The following GRIA1 variants were observed in gnomAD, a reference collection of about 807,000 sequenced individuals.
GRIA1 encodes the protein glutamate receptor 1.
Under a neutral mutation model 99.2 loss-of-function variants are expected in GRIA1, and 31 were observed. That is an observed-to-expected ratio of 0.31 (90% confidence interval 0.23 to 0.42). The LOEUF is 0.42. GRIA1 is among the 10% of genes least tolerant of loss of function. The pLI, the probability that GRIA1 is intolerant of heterozygous loss-of-function variation, is 1.00. For synonymous variants in GRIA1, 438 were observed against 432.4 expected (o/e 1.01, Z -0.16); for missense variants, 782 against 1,157.5 (o/e 0.68, Z 4.71).
intron 2 of GRIA1, among the ~76,000 whole-genome samples, chr5:153,558,623 T>C (rs1055273625): frequency 2.0e-5 from 3 of 152,160 alleles, no homozygotes; most frequent in African/African-American, 7.2e-5. Flanking sequence ...CCATAATTTG[T>C]TTATTCATTC....
chr5:153,580,683 T>C (rs1762967213), intron 2 of GRIA1, among the ~76,000 whole-genome samples: 1 of 152,196 alleles, frequency 6.6e-6, no homozygotes, highest in Admixed American at 6.5e-5. Context: ...ATCTCATTAA[T>C]ATTACACTCT....
rs142919000 is a variant in GRIA1, at chr5:153,645,994, G to A, written c.221-934G>A. 2.2e-3 allele frequency among the ~76,000 whole-genome samples: 333 copies of A among 152,270 alleles called. 2 individuals are homozygous for A. The highest frequency in any genetic ancestry group is 7.5e-3 in the African/African-American group (312 of 41,558). Reference sequence around the variant, plus strand: ...TGGCCTTGGGGTTGGTCTCACTGGGGCAAAGATTATGAACTCTCATCCTAT... The same window carrying A: ...TGGCCTTGGGGTTGGTCTCACTGGGACAAAGATTATGAACTCTCATCCTAT... On this transcript the variant is annotated intron_variant, in intron 2 of 15. Coordinates refer to ENST00000285900, the MANE Select transcript of GRIA1 (RefSeq NM_000827.4).
At chr5:153,510,219 T>C (rs933535477) in intron 2 of GRIA1, among the ~76,000 whole-genome samples, 1 of 152,204 alleles carries the variant, frequency 6.6e-6, no homozygotes, top group South Asian at 2.1e-4. Context: ...TAGTTGCTGC[T>C]GGAGTGAAAT....
chr5:153,528,816 T>C (rs542489922), intron 2 of GRIA1, among the ~76,000 whole-genome samples: 63 of 152,328 alleles, frequency 4.1e-4, no homozygotes, highest in Non-Finnish European at 6.9e-4. Context: ...GTTCCTTCTG[T>C]CTTCAGGCAT....
At chr5:153,668,877 AG>A (rs1399383461) in intron 5 of GRIA1, among the ~76,000 whole-genome samples, 2 of 152,226 alleles carry the variant, frequency 1.3e-5, no homozygotes, top group African/African-American at 2.4e-5. Flanking sequence ...CCACAGTCTG[AG>A]GTTCATTGTC....
At chr5:153,771,499 T>C (rs1258052394) in intron 13 of GRIA1, among the ~76,000 whole-genome samples, 2 of 152,188 alleles carry the variant, frequency 1.3e-5, no homozygotes, top group Non-Finnish European at 2.9e-5. Context: ...TTGAACAAGA[T>C]AGACATAGTC....
At chr5:153,677,319 T>G (rs143378051) in intron 7 of GRIA1, among the ~76,000 whole-genome samples, 158 bp downstream of exon 7, 3 of 150,366 alleles carry the variant, frequency 2.0e-5, no homozygotes, top group African/African-American at 7.5e-5. Flanking sequence ...TAGCATACAT[T>G]GAAGCTCATA....
intron 11 of GRIA1, among the ~76,000 whole-genome samples, chr5:153,759,235 A>C (rs921944720): frequency 6.6e-6 from 1 of 151,738 alleles, no homozygotes; most frequent in Non-Finnish European, 1.5e-5. Context: ...CAGAACAGAA[A>C]TAAATAAAAT....
At chr5:153,780,940 A>T (rs1010907528) in intron 13 of GRIA1, among the ~76,000 whole-genome samples, 1 of 152,026 alleles carries the variant, frequency 6.6e-6, no homozygotes, top group South Asian at 2.1e-4. Flanking sequence ...GCATTCCTCT[A>T]TATGCCTGAA....
chr5:153,522,337 G>C (rs1757225231), intron 2 of GRIA1, among the ~76,000 whole-genome samples: 1 of 152,204 alleles, frequency 6.6e-6, no homozygotes, highest in Non-Finnish European at 1.5e-5. Flanking sequence ...AAATGTCCCA[G>C]TGAGGTAGCC....
At chr5:153,671,317 A>G (rs751776674) in intron 5 of GRIA1, among the ~76,000 whole-genome samples, 1 of 152,208 alleles carries the variant, frequency 6.6e-6, no homozygotes, top group Non-Finnish European at 1.5e-5. Flanking sequence ...ACAGAATTTG[A>G]CTGCAGGAGA....
Position 153,762,645 on chromosome 5 carries a change from A to C in GRIA1, c.1824-1789A>C, listed in dbSNP as rs140291629. On this transcript the variant is annotated intron_variant, in intron 11 of 15. Transcript: ENST00000285900. ...GTGTAAAAGGAAGCAACTGGTCCCT[A>C]ACCCCATGTGAACCTTGACCCCTTC... 3.8e-3 allele frequency among the ~76,000 whole-genome samples: 582 copies of C among 152,264 alleles called. 5 individuals carry two copies. The highest frequency in any genetic ancestry group is 0.013 in the African/African-American group (560 of 41,540).
chr5:153,788,483 C>T (rs1386836528), intron 13 of GRIA1, among the ~76,000 whole-genome samples: 3 of 152,194 alleles, frequency 2.0e-5, no homozygotes, highest in African/African-American at 7.2e-5. Context: ...TCCTGGCCTG[C>T]AGAGTCCCTG....
chr5:153,663,444 T>G (rs1185556118), intron 5 of GRIA1, among the ~76,000 whole-genome samples: 6 of 152,242 alleles, frequency 3.9e-5, no homozygotes, highest in Non-Finnish European at 5.9e-5. Flanking sequence ...CTGCCTGGGT[T>G]TGAAATCTGG....
chr5:153,588,055 T>C (rs1337543982), intron 2 of GRIA1, among the ~76,000 whole-genome samples: 2 of 152,168 alleles, frequency 1.3e-5, no homozygotes, highest in African/African-American at 4.8e-5. Flanking sequence ...TTCCTGCCAA[T>C]TGAAAAGACA....
chr5:153,780,058 C>T (rs913755424), intron 13 of GRIA1, among the ~76,000 whole-genome samples: 3 of 152,202 alleles, frequency 2.0e-5, no homozygotes, highest in Non-Finnish European at 4.4e-5. Context: ...AGCACTGCTC[C>T]TCCTGCTGAT....
At chr5:153,497,512 G>C (rs537430948) in intron 2 of GRIA1, among the ~76,000 whole-genome samples, 2 of 152,290 alleles carry the variant, frequency 1.3e-5, no homozygotes, top group African/African-American at 4.8e-5. Flanking sequence ...GGCCAGGAAA[G>C]AAGGCACAGC....
At chr5:153,799,187 C>G (rs917906463) in intron 14 of GRIA1, among the ~76,000 whole-genome samples, 9 of 152,180 alleles carry the variant, frequency 5.9e-5, no homozygotes, top group African/African-American at 1.9e-4. Context: ...CATCTCTCCC[C>G]TGTCCCCGAT....
chr5:153,621,872 C>A (rs1371223305), intron 2 of GRIA1, among the ~76,000 whole-genome samples: 1 of 152,110 alleles, frequency 6.6e-6, no homozygotes, highest in Non-Finnish European at 1.5e-5. Context: ...TTTTTCATTC[C>A]TTCAGCAAGG....
Sources: allele counts gnomAD v4.1 joint callset (sites outside exome capture counted in the v4.1 genomes callset), GRCh38; gene constraint gnomAD v4.1.1; transcripts MANE v1.5; gene names NCBI Gene and HGNC (gene_info 2026-07-23, HGNC 2026-07-21).